The following KCND3 variants were observed in gnomAD, a reference collection of about 807,000 sequenced individuals.
KCND3 encodes the protein potassium voltage-gated channel subfamily D member 3, also known as A-type voltage-gated potassium channel KCND3.
Under a neutral mutation model 51.1 loss-of-function variants are expected in KCND3, and 9 were observed. The ratio of observed to expected loss-of-function variants is 0.18; its 90% confidence interval spans 0.11 to 0.31. The LOEUF is 0.31. KCND3 is among the 10% of genes least tolerant of loss of function. The pLI, the probability that KCND3 is intolerant of heterozygous loss-of-function variation, is 1.00. For synonymous variants in KCND3, 349 were observed against 368.0 expected (o/e 0.95, Z 0.59); for missense variants, 526 against 903.8 (o/e 0.58, Z 5.36).
chr1:111,869,188 T>G (rs1668725188), intron 2 of KCND3, among the ~76,000 whole-genome samples: 1 of 152,162 alleles, frequency 6.6e-6, no homozygotes, highest in South Asian at 2.1e-4. Flanking sequence ...TTATAATGTT[T>G]CCTCTCAAAA....
rs995955916 is a variant in KCND3 at position 111,942,349 on chromosome 1, T to C, written c.1106+39272A>G. Among the ~76,000 whole-genome samples the C allele has an allele frequency of 2.6e-5, 4 of 152,080 alleles. No homozygotes were observed. The East Asian group carries it at 5.8e-4, about 22-fold the overall frequency. ...GGAGCAAGACAGATGGTAAAACAAA[T>C]AGGAAAAACATCTAGTAGAGAATCA... On this transcript the variant is annotated intron_variant, in intron 2 of 7. Coordinates refer to ENST00000302127, the MANE Select transcript of KCND3 (RefSeq NM_001378969.1).
At chr1:111,934,689 G>T (rs7532076) in intron 2 of KCND3, among the ~76,000 whole-genome samples, 83,901 of 152,078 alleles carry the variant, frequency 0.55, 23,381 homozygotes, top group Admixed American at 0.63. Flanking sequence ...TCTGAATCTG[G>T]GTGTGGACAG....
At chr1:111,812,117 G>A (rs565190648) in intron 2 of KCND3, among the ~76,000 whole-genome samples, 225 of 152,298 alleles carry the variant, frequency 1.5e-3, no homozygotes, top group Non-Finnish European at 2.6e-3. Context: ...GTCGGGCACG[G>A]TGCCTGGTAG....
rs371181281 is a variant in KCND3, at chr1:111,780,664, C to T, written c.1371+26G>A. On this transcript the variant is annotated intron_variant, in intron 4 of 7. Transcript: ENST00000302127. The surrounding 1 kb of genome is among the most constrained non-coding windows in gnomAD (Gnocchi z 4.2). ...AAGCCCATCTACCCCTTTATGTTCC[C>T]TAGCCCAGGTCCTCTAGGCACCTAC... 6.3e-7 allele frequency: 1 copy of T among 1,579,656 alleles called. No homozygotes were observed.
chr1:111,854,987 A>C (rs1391862871), intron 2 of KCND3, among the ~76,000 whole-genome samples: 1 of 152,156 alleles, frequency 6.6e-6, no homozygotes. Context: ...CCTGTCACAG[A>C]GTAAGGTACC....
Position 111,981,018 on chromosome 1 carries a change from C to G in KCND3, c.1106+603G>C, listed in dbSNP as rs1674920113. ...TTAGAAAGAAAGAATAAACCACGTG[C>G]CTTACTGCGAAAAATCCAGGTTCAG... On this transcript the variant is annotated intron_variant, in intron 2 of 7. Coordinates refer to ENST00000302127, the MANE Select transcript of KCND3 (RefSeq NM_001378969.1). The surrounding 1 kb of genome is among the most constrained non-coding windows in gnomAD (Gnocchi z 6.2). Among the ~76,000 whole-genome samples, 1 of 152,172 alleles carries G rather than the reference C, an allele frequency of 6.6e-6. No individual in the cohort carries two copies. The highest frequency in any genetic ancestry group is 1.5e-5 in the Non-Finnish European group (1 of 68,024).
intron 2 of KCND3, among the ~76,000 whole-genome samples, chr1:111,866,061 A>G (rs1215664848): frequency 6.6e-6 from 1 of 151,974 alleles, no homozygotes; most frequent in Non-Finnish European, 1.5e-5. Context: ...GCGCAGATTA[A>G]TTTTTAAATA....
At chr1:111,808,453 G>A (rs1483437431) in intron 2 of KCND3, among the ~76,000 whole-genome samples, 2 of 152,206 alleles carry the variant, frequency 1.3e-5, no homozygotes, top group Non-Finnish European at 2.9e-5. Context: ...CCTCCTCTGT[G>A]CCATGATGAT....
At chr1:111,864,735 C>A (rs1441178705) in intron 2 of KCND3, among the ~76,000 whole-genome samples, 1 of 152,226 alleles carries the variant, frequency 6.6e-6, no homozygotes, top group Non-Finnish European at 1.5e-5. Context: ...GCTTCCCAAA[C>A]TATGCCCTTC....
intron 2 of KCND3, among the ~76,000 whole-genome samples, chr1:111,814,942 T>C (rs187183723): frequency 1.3e-3 from 202 of 152,364 alleles, no homozygotes; most frequent in East Asian, 6.0e-3. Context: ...TTTTATCAAA[T>C]GGCAGAATAC....
chr1:111,989,205 C>A (rs1299916966), intron 1 of KCND3: 1 of 152,312 alleles, frequency 6.6e-6, no homozygotes, highest in African/African-American at 2.4e-5. Flanking sequence ...CCACCTGTCT[C>A]TGGCACCCGC....
intron 2 of KCND3, among the ~76,000 whole-genome samples, chr1:111,843,106 A>AT (rs1164362056): frequency 1.3e-5 from 2 of 152,054 alleles, no homozygotes; most frequent in Non-Finnish European, 2.9e-5. Context: ...TGAGTTATAG[A>AT]TTTTTTCCTA....
At chr1:111,864,866 G>C (rs771870510) in intron 2 of KCND3, among the ~76,000 whole-genome samples, 4 of 152,142 alleles carry the variant, frequency 2.6e-5, no homozygotes, top group Non-Finnish European at 5.9e-5. Context: ...CGTTAGGGTT[G>C]GGGGGAAGGG....
At chr1:111,791,831 T>G (rs1403853025) in intron 2 of KCND3, among the ~76,000 whole-genome samples, 1 of 152,232 alleles carries the variant, frequency 6.6e-6, no homozygotes, top group African/African-American at 2.4e-5. Flanking sequence ...CAATGACGTA[T>G]AGCTGATGGG....
At chr1:111,910,249 A>G (rs2275792) in intron 2 of KCND3, 90,391 of 152,108 alleles carry the variant, frequency 0.59, 27,229 homozygotes, top group African/African-American at 0.7. Flanking sequence ...AACCCCACCC[A>G]AGGGCACGGA....
At chr1:111,829,011 C>G (rs1255735988) in intron 2 of KCND3, among the ~76,000 whole-genome samples, 1 of 152,150 alleles carries the variant, frequency 6.6e-6, no homozygotes, top group Non-Finnish European at 1.5e-5. Context: ...CATTCAGGAG[C>G]CACCCGCGAA....
intron 2 of KCND3, among the ~76,000 whole-genome samples, chr1:111,876,767 A>G (rs929934291): frequency 6.6e-6 from 1 of 152,236 alleles, no homozygotes; most frequent in Non-Finnish European, 1.5e-5. Flanking sequence ...AGGGGGGAAG[A>G]GGAGCAAAGG....
At chr1:111,974,004 C>T (rs1355822348) in intron 2 of KCND3, among the ~76,000 whole-genome samples, 1 of 152,188 alleles carries the variant, frequency 6.6e-6, no homozygotes, top group Non-Finnish European at 1.5e-5. Flanking sequence ...AGTCCTGACA[C>T]CCAGAATAAG....
At chr1:111,923,071 T>C (rs1671549176) in intron 2 of KCND3, among the ~76,000 whole-genome samples, 1 of 152,144 alleles carries the variant, frequency 6.6e-6, no homozygotes, top group South Asian at 2.1e-4. Context: ...CATGTGCAAA[T>C]TGCCTGACCT....
Sources: gnomAD v4.1 joint callset for allele counts (sites outside exome capture counted in the v4.1 genomes callset) on GRCh38, gnomAD v4.1.1 for gene constraint, Gnocchi (gnomAD v3.1) non-coding constraint, MANE v1.5 for transcripts, NCBI Gene and HGNC (gene_info 2026-07-23, HGNC 2026-07-21) for gene names.